The following PRKN variants were observed in gnomAD, a reference collection of about 807,000 sequenced individuals.
PRKN encodes the protein parkin RBR E3 ubiquitin protein ligase.
A neutral mutation model predicts 59.5 loss-of-function variants in PRKN; 56 were observed. That is an observed-to-expected ratio of 0.94 (90% CI 0.76 to 1.18). PRKN has a LOEUF of 1.18. Ranked by LOEUF, PRKN falls within the 50% of genes most tolerant of loss-of-function variation. The pLI, the probability that PRKN is intolerant of heterozygous loss-of-function variation, is 0.00. For missense variants in PRKN, 657 were observed against 596.4 expected, an observed-to-expected ratio of 1.10 and a Z score of -1.06; for synonymous variants, 250 against 222.1, an observed-to-expected ratio of 1.13 and a Z score of -1.12.
chr6:161,364,792 A>G (rs1307595944), intron 10 of PRKN, among the ~76,000 whole-genome samples: 1 of 152,024 alleles, frequency 6.6e-6, no homozygotes, highest in Non-Finnish European at 1.5e-5. Flanking sequence ...TAAAAATACA[A>G]AAAGTAGCTG....
chr6:161,783,732 T>C (rs528008963), intron 7 of PRKN: 1 of 478,996 alleles, frequency 2.1e-6, no homozygotes, highest in East Asian at 5.8e-5. Context: ...TTTTCCAATC[T>C]GTAAATAATA....
chr6:162,683,316 T>C (rs1041332866), intron 1 of PRKN, among the ~76,000 whole-genome samples: 3 of 152,168 alleles, frequency 2.0e-5, no homozygotes, highest in Non-Finnish European at 4.4e-5. Flanking sequence ...CATAGTCTAC[T>C]AGTATCAGAC....
chr6:161,842,366 G>C (rs1375690396), intron 6 of PRKN, among the ~76,000 whole-genome samples: 1 of 151,616 alleles, frequency 6.6e-6, no homozygotes, highest in Non-Finnish European at 1.5e-5. Flanking sequence ...CAGCTACTTG[G>C]GAGGCTGAGG....
chr6:161,733,959 TACACACACACACACACACACACACACAC>T (rs10597403), intron 7 of PRKN, among the ~76,000 whole-genome samples: 2 of 133,594 alleles, frequency 1.5e-5, no homozygotes, highest in East Asian at 2.2e-4. Context: ...AAAATTCATT[TACACACACACACACACACACACACACAC>T]ACACACACAC....
At chr6:162,722,486 C>A (rs949076299) in intron 1 of PRKN, among the ~76,000 whole-genome samples, 1 of 152,010 alleles carries the variant, frequency 6.6e-6, no homozygotes, top group Non-Finnish European at 1.5e-5. Flanking sequence ...CAGATTACTA[C>A]GAAGAAACAT....
At chr6:162,510,975 C>A (rs944089975) in intron 1 of PRKN, among the ~76,000 whole-genome samples, 3 of 151,730 alleles carry the variant, frequency 2.0e-5, no homozygotes, top group Non-Finnish European at 4.4e-5. Context: ...TATATATATA[C>A]CCACTGAACA....
At chr6:162,041,952 C>G (rs961256963) in intron 5 of PRKN, among the ~76,000 whole-genome samples, 2 of 151,996 alleles carry the variant, frequency 1.3e-5, no homozygotes, top group Non-Finnish European at 2.9e-5. Context: ...CTGCATGTTC[C>G]CTAGGAGGAA....
In PRKN at chr6:161,499,626, T is replaced by C. The variant is rs575140062; in HGVS notation, c.1083+49228A>G. ...CTGAGTTGCTCGTGAAAAATGCAGA[T>C]TGCAGGTTTCATTTCAGACCTACTG... On this transcript the variant is annotated intron_variant, in intron 9 of 11. Coordinates refer to ENST00000366898, the MANE Select transcript of PRKN (RefSeq NM_004562.3). The surrounding 1 kb of genome is among the most constrained non-coding windows in gnomAD (Gnocchi z 4.2). Among the ~76,000 whole-genome samples the C allele has an allele frequency of 6.6e-6, 1 of 152,338 alleles. No individual in the cohort carries two copies. The highest frequency in any genetic ancestry group is 6.5e-5 in the Admixed American group (1 of 15,306).
At position 161,548,320 on chromosome 6, in the gene PRKN, C is replaced by G. The variant is rs1296774185; in HGVS notation, c.1083+534G>C. Among the ~76,000 whole-genome samples the G allele has an allele frequency of 1.3e-5, 2 of 152,192 alleles. No individual in the cohort carries two copies. The highest frequency in any genetic ancestry group is 2.4e-5 in the African/African-American group (1 of 41,458). On this transcript the variant is annotated intron_variant, in intron 9 of 11. Coordinates refer to ENST00000366898, the MANE Select transcript of PRKN (RefSeq NM_004562.3). This position sits in a 1 kb window ranked among gnomAD's most constrained non-coding sequence, Gnocchi z 4.2. The stretch of plus-strand genomic sequence containing the variant: ...GACCTCTTAGAACAAACATTTTCCA[C>G]ATTTCTTATTCTGCTTCCATAAGAG...
intron 3 of PRKN, among the ~76,000 whole-genome samples, chr6:162,216,331 T>C (rs371162294): frequency 2.9e-4 from 44 of 150,102 alleles, no homozygotes; most frequent in East Asian, 1.8e-3. Flanking sequence ...GAGATCGAGA[T>C]CATCCTGGCT....
At chr6:162,459,198 A>C (rs1791045911) in intron 1 of PRKN, among the ~76,000 whole-genome samples, 1 of 152,190 alleles carries the variant, frequency 6.6e-6, no homozygotes. Flanking sequence ...TACAGTCCAA[A>C]GGCAGCATCA....
intron 2 of PRKN, among the ~76,000 whole-genome samples, chr6:162,387,418 T>C (rs1786890774): frequency 6.6e-6 from 1 of 152,088 alleles, no homozygotes; most frequent in South Asian, 2.1e-4. Flanking sequence ...GAATAATTTT[T>C]GTTGTTCATA....
chr6:161,940,729 T>C (rs1451709217), intron 6 of PRKN, among the ~76,000 whole-genome samples: 1 of 152,184 alleles, frequency 6.6e-6, no homozygotes, highest in African/African-American at 2.4e-5. Context: ...AAAGTGACTG[T>C]TCAGAAATCA....
chr6:161,455,810 C>T (rs1461767910), intron 9 of PRKN, among the ~76,000 whole-genome samples: 2 of 148,984 alleles, frequency 1.3e-5, no homozygotes, highest in Non-Finnish European at 3.0e-5. Flanking sequence ...TTGTGGTGAG[C>T]TGAGATCGCG....
At chr6:162,185,492 C>T (rs922836412) in intron 4 of PRKN, among the ~76,000 whole-genome samples, 13 of 152,134 alleles carry the variant, frequency 8.5e-5, no homozygotes, top group African/African-American at 2.9e-4. Context: ...AACAAAACAA[C>T]AGGAAGGACA....
intron 1 of PRKN, among the ~76,000 whole-genome samples, chr6:162,448,053 T>C (rs4708957): frequency 0.46 from 69,417 of 151,726 alleles, 16,356 homozygotes; most frequent in East Asian, 0.59. Context: ...CAGCCCAAGA[T>C]AGACCATTAA....
chr6:162,046,069 T>C (rs1784236751), intron 5 of PRKN, among the ~76,000 whole-genome samples: 1 of 152,250 alleles, frequency 6.6e-6, no homozygotes, highest in African/African-American at 2.4e-5. Flanking sequence ...CGATATGTAC[T>C]CTCTCCTAAT....
chr6:162,650,928 A>C (rs1414807112), intron 1 of PRKN, among the ~76,000 whole-genome samples: 1 of 152,178 alleles, frequency 6.6e-6, no homozygotes, highest in African/African-American at 2.4e-5. Context: ...CAAATGCCCC[A>C]AAATTGTATT....
intron 2 of PRKN, among the ~76,000 whole-genome samples, chr6:162,285,309 A>G (rs1252492458): frequency 2.3e-5 from 3 of 127,734 alleles, no homozygotes; most frequent in East Asian, 4.6e-4. Context: ...GGCCTCTGGC[A>G]TATACTCTTG....
Sources: allele counts gnomAD v4.1 joint callset (sites outside exome capture counted in the v4.1 genomes callset), GRCh38; gene constraint gnomAD v4.1.1; non-coding constraint Gnocchi (gnomAD v3.1); transcripts MANE v1.5; gene names NCBI Gene and HGNC (gene_info 2026-07-23, HGNC 2026-07-21).